The following MAP2 variants were observed in gnomAD, a reference collection of about 807,000 sequenced individuals.
MAP2 encodes the protein microtubule associated protein 2.
Under a neutral mutation model 137.6 loss-of-function variants are expected in MAP2, and 14 were observed. The ratio of observed to expected loss-of-function variants is 0.10; its 90% CI spans 0.07 to 0.16. The LOEUF (loss-of-function observed/expected upper bound fraction) is 0.16, where lower values mean the gene tolerates loss of function less well. Ranked by LOEUF, MAP2 falls within the 10% of genes least tolerant of loss-of-function variation. MAP2 has a pLI of 1.00. For synonymous variants in MAP2, 786 were observed against 782.3 expected (o/e 1.00, Z -0.08); for missense variants, 2,088 against 2,191.5 (o/e 0.95, Z 0.94).
At chr2:209,435,931 A>ATATATAATATATAGTATATATATATT (rs1695841508) in intron 1 of MAP2, among the ~76,000 whole-genome samples, 1 of 78,816 alleles carries the variant, frequency 1.3e-5, no homozygotes, top group Admixed American at 1.7e-4. Context: ...TATATATATT[A>ATATATAATATATAGTATATATATATT]TATATATAAT....
chr2:209,729,998 T>A (rs77505136), intron 15 of MAP2, 36 bp downstream of exon 15: 105,424 of 1,423,328 alleles, frequency 0.074, 5,386 homozygotes, highest in East Asian at 0.22. Context: ...CTTGTCTTTT[T>A]AAAAAAAATT....
intron 5 of MAP2, among the ~76,000 whole-genome samples, chr2:209,674,029 AT>A (rs1184949461): frequency 2.0e-5 from 3 of 151,774 alleles, no homozygotes; most frequent in Non-Finnish European, 1.5e-5. Flanking sequence ...CCCAGGACCT[AT>A]GCATCCAGGA....
chr2:209,494,926 G>A (rs1317622958), intron 1 of MAP2, among the ~76,000 whole-genome samples: 1 of 152,152 alleles, frequency 6.6e-6, no homozygotes, highest in Non-Finnish European at 1.5e-5. Context: ...TATATAGGTA[G>A]GAAAATCTGT....
chr2:209,539,797 C>G (rs1458704822), intron 2 of MAP2, among the ~76,000 whole-genome samples: 1 of 151,538 alleles, frequency 6.6e-6, no homozygotes, highest in Non-Finnish European at 1.5e-5. Flanking sequence ...TGGCTCAAAC[C>G]ACATAAAAGT....
At chr2:209,492,916 T>G (rs1158176817) in intron 1 of MAP2, among the ~76,000 whole-genome samples, 1 of 152,208 alleles carries the variant, frequency 6.6e-6, no homozygotes, top group Admixed American at 6.5e-5. Context: ...ACTGACTTTC[T>G]TCACAGAATT....
At chr2:209,581,280 T>C (rs1356140708) in intron 3 of MAP2, among the ~76,000 whole-genome samples, 6 of 152,206 alleles carry the variant, frequency 3.9e-5, no homozygotes, top group Admixed American at 6.5e-5. Context: ...AAGGGGTAGA[T>C]GACACTGTCC....
chr2:209,673,119 A>C, intron 5 of MAP2, among the ~76,000 whole-genome samples: 1 of 151,968 alleles, frequency 6.6e-6, no homozygotes, highest in East Asian at 1.9e-4. Context: ...ATCTGCTATC[A>C]TCTATTGCTC....
intron 2 of MAP2, among the ~76,000 whole-genome samples, chr2:209,508,153 CTTAA>C (rs1023753255): frequency 8.3e-4 from 126 of 151,710 alleles, no homozygotes; most frequent in Middle Eastern, 3.4e-3. Context: ...ATTAATTGGC[CTTAA>C]TTGAGACTCG....
intron 2 of MAP2, among the ~76,000 whole-genome samples, chr2:209,510,133 T>G (rs2061555305): frequency 6.6e-6 from 1 of 152,018 alleles, no homozygotes; most frequent in East Asian, 1.9e-4. Context: ...TTTAAAAAAA[T>G]GTGTATTGGT....
chr2:209,687,497 C>A (rs757486913), intron 7 of MAP2, among the ~76,000 whole-genome samples: 3 of 152,062 alleles, frequency 2.0e-5, no homozygotes, highest in African/African-American at 4.8e-5. Flanking sequence ...AGATCAATGG[C>A]AAACTTGCTT....
At chr2:209,616,302 C>A (rs2089347633) in intron 3 of MAP2, among the ~76,000 whole-genome samples, 1 of 152,336 alleles carries the variant, frequency 6.6e-6, no homozygotes, top group African/African-American at 2.4e-5. Flanking sequence ...TTATTGCTAA[C>A]AGTGATGATC....
chr2:209,530,629 A>T (rs2064971889), intron 2 of MAP2, among the ~76,000 whole-genome samples: 1 of 152,212 alleles, frequency 6.6e-6, no homozygotes, highest in Non-Finnish European at 1.5e-5. Flanking sequence ...CTTGAATTAA[A>T]TCATAAATTC....
At chr2:209,544,864 G>A (rs968732004) in intron 2 of MAP2, among the ~76,000 whole-genome samples, 1 of 152,160 alleles carries the variant, frequency 6.6e-6, no homozygotes, top group African/African-American at 2.4e-5. Context: ...TACAATTACA[G>A]CAAGTACTTG....
At chr2:209,577,006 A>T (rs779308167) in intron 2 of MAP2, among the ~76,000 whole-genome samples, 2 of 152,196 alleles carry the variant, frequency 1.3e-5, no homozygotes, top group Non-Finnish European at 2.9e-5. Context: ...CTATTTTTTT[A>T]GACTGACCAG....
At chr2:209,687,925 G>A (rs2057583065) in intron 7 of MAP2, among the ~76,000 whole-genome samples, 1 of 152,150 alleles carries the variant, frequency 6.6e-6, no homozygotes, top group Non-Finnish European at 1.5e-5. Context: ...CAGTGTCACA[G>A]CGCAGAGTGC....
chr2:209,615,593 A>G (rs944856715), intron 3 of MAP2, among the ~76,000 whole-genome samples: 5 of 152,188 alleles, frequency 3.3e-5, no homozygotes, highest in Non-Finnish European at 5.9e-5. Flanking sequence ...AATCCTTACA[A>G]TGACTCTATA....
intron 3 of MAP2, among the ~76,000 whole-genome samples, chr2:209,620,883 T>C (rs2090943158): frequency 6.6e-6 from 1 of 152,138 alleles, no homozygotes. Flanking sequence ...TCATTGAGGT[T>C]AAGCTTAGCC....
intron 5 of MAP2, among the ~76,000 whole-genome samples, chr2:209,660,128 A>C (rs751309992): frequency 2.0e-5 from 3 of 152,116 alleles, no homozygotes; most frequent in Non-Finnish European, 2.9e-5. Context: ...AAAGATTAAA[A>C]GGCAATTCCT....
chr2:209,525,676 C>T (rs1011512469), intron 2 of MAP2, among the ~76,000 whole-genome samples: 1 of 152,046 alleles, frequency 6.6e-6, no homozygotes, highest in African/African-American at 2.4e-5. Flanking sequence ...AAAGCTTTAC[C>T]AAAAGAATCC....
Sources: gnomAD v4.1 joint callset for allele counts (sites outside exome capture counted in the v4.1 genomes callset) on GRCh38, gnomAD v4.1.1 for gene constraint, MANE v1.5 for transcripts, NCBI Gene and HGNC (gene_info 2026-07-23, HGNC 2026-07-21) for gene names.